Variants in CMIP observed in about 807,000 individuals in gnomAD.
CMIP encodes the protein C-Maf-inducing protein.
Under a neutral mutation model 97.3 loss-of-function variants are expected in CMIP, and 13 were observed. That is an observed-to-expected ratio of 0.13 (90% CI 0.09 to 0.21). CMIP has a LOEUF of 0.21. CMIP is among the 10% of genes least tolerant of loss of function. CMIP has a pLI of 1.00. For synonymous variants in CMIP, 538 were observed against 436.3 expected, an observed-to-expected ratio of 1.23 and a Z score of -2.91; for missense variants, 847 against 1,024.9, an observed-to-expected ratio of 0.83 and a Z score of 2.37.
chr16:81,633,953 TC>T (rs745685299), intron 3 of CMIP, among the ~76,000 whole-genome samples: 4 of 152,192 alleles, frequency 2.6e-5, no homozygotes, highest in Non-Finnish European at 5.9e-5. Flanking sequence ...CAACCAATCT[TC>T]CATCCAAGAG....
At chr16:81,654,719 G>A (rs2151010876) in intron 4 of CMIP, among the ~76,000 whole-genome samples, 1 of 152,304 alleles carries the variant, frequency 6.6e-6, no homozygotes. Flanking sequence ...GAGTAACCAG[G>A]GGTGCTGAGA....
intron 3 of CMIP, among the ~76,000 whole-genome samples, chr16:81,643,100 A>G (rs537921642): frequency 1.3e-5 from 2 of 152,302 alleles, no homozygotes; most frequent in South Asian, 2.1e-4. Flanking sequence ...TCCACCCACA[A>G]CACAAGCTAT....
chr16:81,624,515 C>T (rs1205868924), intron 3 of CMIP, among the ~76,000 whole-genome samples: 2 of 152,002 alleles, frequency 1.3e-5, no homozygotes, highest in Non-Finnish European at 2.9e-5. Context: ...AATGCCACCT[C>T]CTAAATACTG....
At chr16:81,494,375 C>T (rs1329761865) in intron 1 of CMIP, among the ~76,000 whole-genome samples, 1 of 152,204 alleles carries the variant, frequency 6.6e-6, no homozygotes, top group African/African-American at 2.4e-5. Context: ...CAGAACTGGC[C>T]TTTATTGACG....
intron 1 of CMIP, among the ~76,000 whole-genome samples, chr16:81,578,298 A>T (rs1427963227): frequency 6.6e-6 from 1 of 152,226 alleles, no homozygotes; most frequent in Admixed American, 6.5e-5. Context: ...GTCATCATTT[A>T]ACTAAAAGTG....
chr16:81,559,373 C>G (rs1427169861), intron 1 of CMIP, among the ~76,000 whole-genome samples: 2 of 152,204 alleles, frequency 1.3e-5, no homozygotes, highest in African/African-American at 4.8e-5. Flanking sequence ...TTATTGAAAG[C>G]CTCTTGTGTT....
At chr16:81,599,141 C>T (rs1268603515) in intron 1 of CMIP, among the ~76,000 whole-genome samples, 1 of 152,040 alleles carries the variant, frequency 6.6e-6, no homozygotes, top group South Asian at 2.1e-4. Flanking sequence ...GAGAAAGGTG[C>T]AGGCAGCTCC....
chr16:81,581,604 G>GT (rs1438684180), intron 1 of CMIP, among the ~76,000 whole-genome samples: 2 of 152,210 alleles, frequency 1.3e-5, no homozygotes, highest in Non-Finnish European at 2.9e-5. Flanking sequence ...GGCTGTATTT[G>GT]TTTGAGTCCA....
intron 1 of CMIP, among the ~76,000 whole-genome samples, chr16:81,542,561 C>T (rs1187739168): frequency 3.3e-5 from 5 of 152,096 alleles, no homozygotes; most frequent in Non-Finnish European, 7.4e-5. Context: ...GATTGGGCTG[C>T]CATAACAAAA....
intron 1 of CMIP, among the ~76,000 whole-genome samples, chr16:81,602,072 A>G: frequency 6.6e-6 from 1 of 152,244 alleles, no homozygotes; most frequent in Non-Finnish European, 1.5e-5. Context: ...CATGTTTCAC[A>G]AGGATGTTCA....
chr16:81,597,695 G>C (rs943867761), intron 1 of CMIP, among the ~76,000 whole-genome samples: 20 of 152,126 alleles, frequency 1.3e-4, no homozygotes, highest in Admixed American at 5.9e-4. Context: ...CTCCAGCAGG[G>C]GCTTGGGCCA....
chr16:81,691,708 ACCAAAAACAGTGC>A, intron 10 of CMIP, 54 bp from the exon 11 acceptor site: 1 of 1,383,606 alleles, frequency 7.2e-7, no homozygotes, highest in Non-Finnish European at 1.0e-6. Context: ...CCCATCTGGG[ACCAAAAACAGTGC>A]CATAAACCTT....
chr16:81,584,186 C>T (rs1319626709), intron 1 of CMIP, among the ~76,000 whole-genome samples: 1 of 152,130 alleles, frequency 6.6e-6, no homozygotes, highest in African/African-American at 2.4e-5. Context: ...CCACCAGCAC[C>T]AGGTGGTGGG....
intron 1 of CMIP, among the ~76,000 whole-genome samples, chr16:81,505,997 A>G: frequency 6.6e-6 from 1 of 152,262 alleles, no homozygotes; most frequent in Non-Finnish European, 1.5e-5. Flanking sequence ...CTCCATCTCA[A>G]AATAAAATAA....
Position 81,445,407 on chromosome 16 carries a change from C to A in CMIP, c.166C>A (p.Gln56Lys). 6.2e-7 allele frequency: 1 copy of A among 1,602,056 alleles called. No individual in the cohort carries two copies. Among genetic ancestry groups the A allele is most frequent in the Non-Finnish European group, 8.5e-7 (1 of 1,174,604 alleles). Residue 56 changes from glutamine (Q) to lysine (K), a missense_variant, in exon 1 of 21, where the codon CAG becomes AAG. Coordinates refer to ENST00000537098, the MANE Select transcript of CMIP (RefSeq NM_198390.3). ...LCNGMRYKLLQEGDIQVCVIR... is the reference protein window; with the variant it reads ...LCNGMRYKLLKEGDIQVCVIR... ...CAACGGGATGAGGTACAAACTGCTGCAGGAGGGCGACATTCAGGTCTGTGT... is the reference window on the plus strand; with the variant it reads ...CAACGGGATGAGGTACAAACTGCTGAAGGAGGGCGACATTCAGGTCTGTGT...
intron 1 of CMIP, chr16:81,603,445 A>G (rs1178344352): frequency 2.2e-6 from 1 of 454,452 alleles, no homozygotes; most frequent in African/African-American, 2.0e-5. Flanking sequence ...GAAAGCGACG[A>G]GGATACCCCA....
intron 1 of CMIP, among the ~76,000 whole-genome samples, chr16:81,532,855 C>A (rs972796934): frequency 2.6e-5 from 4 of 152,172 alleles, no homozygotes; most frequent in Non-Finnish European, 4.4e-5. Flanking sequence ...CGCCTCTCTG[C>A]CCAGACAGCA....
intron 11 of CMIP, among the ~76,000 whole-genome samples, chr16:81,692,792 A>G (rs1032355324): frequency 1.3e-5 from 2 of 152,230 alleles, no homozygotes; most frequent in Non-Finnish European, 2.9e-5. Context: ...TGATGTGTGC[A>G]GTAATGAGTG....
Position 81,448,044 on chromosome 16 carries a change from C to T in CMIP, c.300+2503C>T, listed in dbSNP as rs543965210. Among the ~76,000 whole-genome samples, 190 of 152,364 alleles carry T rather than the reference C, an allele frequency of 1.2e-3. 1 individual carries two copies. The highest frequency in any genetic ancestry group is 4.4e-3 in the African/African-American group (181 of 41,594). ...TTGAGAAATATGAGCCCAAATAAAA[C>T]AAAGGTGAATTTGAGTGCAGTTCCC... On this transcript the variant is annotated intron_variant, in intron 1 of 20. Coordinates refer to ENST00000537098, the MANE Select transcript of CMIP (RefSeq NM_198390.3).
Sources: allele counts gnomAD v4.1 joint callset (sites outside exome capture counted in the v4.1 genomes callset), GRCh38; gene constraint gnomAD v4.1.1; transcripts MANE v1.5; gene names NCBI Gene and HGNC (gene_info 2026-07-23, HGNC 2026-07-21).